The following C7orf33 variants were observed in gnomAD, a reference collection of about 807,000 sequenced individuals.
C7orf33 encodes the protein chromosome 7 open reading frame 33, also known as uncharacterized protein C7orf33.
A neutral mutation model predicts 13.4 loss-of-function variants in C7orf33; 15 were observed. That is an observed-to-expected ratio of 1.12 (90% confidence interval 0.75 to 1.72). C7orf33 has a LOEUF of 1.72. Ranked by LOEUF, C7orf33 falls within the 40% of genes most tolerant of loss-of-function variation. The pLI, the probability that C7orf33 is intolerant of heterozygous loss-of-function variation, is 0.00. For synonymous variants in C7orf33, 73 were observed against 83.2 expected, an observed-to-expected ratio of 0.88 and a Z score of 0.67; for missense variants, 187 against 220.3, an observed-to-expected ratio of 0.85 and a Z score of 0.96.
chr7:148,611,536 A>G (rs1464252971), intron 1 of C7orf33, among the ~76,000 whole-genome samples: 1 of 152,098 alleles, frequency 6.6e-6, no homozygotes, highest in African/African-American at 2.4e-5. Flanking sequence ...CACCCCTTCA[A>G]CTTCCGGCTC....
intron 1 of C7orf33, 139 bp from the exon 2 acceptor site, chr7:148,613,903 G>T: frequency 9.7e-6 from 9 of 927,812 alleles, no homozygotes; most frequent in Non-Finnish European, 1.4e-5. Context: ...GAATATCTTT[G>T]TCTATAATCT....
chr7:148,611,884 G>C (rs1425203487), intron 1 of C7orf33, among the ~76,000 whole-genome samples: 1 of 152,216 alleles, frequency 6.6e-6, no homozygotes, highest in East Asian at 1.9e-4. Flanking sequence ...GCTCCCCCTA[G>C]GGGTTTGAGC....
At chr7:148,596,781 T>G (rs1172601738) in intron 1 of C7orf33, among the ~76,000 whole-genome samples, 2 of 152,208 alleles carry the variant, frequency 1.3e-5, no homozygotes, top group East Asian at 3.9e-4. Flanking sequence ...TCCTCTGTGC[T>G]CCATCTGTTC....
chr7:148,598,231 G>T (rs1194772618), intron 1 of C7orf33, among the ~76,000 whole-genome samples: 2 of 152,026 alleles, frequency 1.3e-5, no homozygotes, highest in East Asian at 3.9e-4. Context: ...ATATTGAAAT[G>T]TTCAGTTCCC....
At chr7:148,595,549 TATAACATATAGCTATATAA>T (rs1310408025) in intron 1 of C7orf33, among the ~76,000 whole-genome samples, 10 of 133,512 alleles carry the variant, frequency 7.5e-5, no homozygotes, top group African/African-American at 2.8e-4. Flanking sequence ...CTGTATTATA[TATAACATATAGCTATATAA>T]TATATATAAT....
chr7:148,608,297 G>T (rs1230757113), intron 1 of C7orf33, among the ~76,000 whole-genome samples: 1 of 151,906 alleles, frequency 6.6e-6, no homozygotes, highest in Non-Finnish European at 1.5e-5. Flanking sequence ...GGGCATGGTG[G>T]TGCGCGCCTG....
intron 1 of C7orf33, among the ~76,000 whole-genome samples, chr7:148,605,458 C>G (rs1443472842): frequency 6.6e-6 from 1 of 152,216 alleles, no homozygotes; most frequent in Admixed American, 6.5e-5. Context: ...AGGGAGACTG[C>G]AAGGCTAGAG....
chr7:148,612,936 C>A (rs970172243), intron 1 of C7orf33, among the ~76,000 whole-genome samples: 6 of 151,794 alleles, frequency 4.0e-5, no homozygotes, highest in African/African-American at 1.5e-4. Flanking sequence ...GTGTAATGAT[C>A]AAATCAGGGT....
intron 1 of C7orf33, among the ~76,000 whole-genome samples, chr7:148,598,796 A>ATT (rs1175975516): frequency 7.0e-6 from 1 of 141,868 alleles, no homozygotes; most frequent in Non-Finnish European, 1.5e-5. Flanking sequence ...AGAGAGAGAG[A>ATT]GAGAGAGAGA....
intron 1 of C7orf33, among the ~76,000 whole-genome samples, chr7:148,593,316 G>A (rs557932502): frequency 6.6e-6 from 1 of 152,280 alleles, no homozygotes; most frequent in South Asian, 2.1e-4. Flanking sequence ...AGGCTGGAGT[G>A]CAATGGCTCA....
intron 2 of C7orf33, 120 bp downstream of exon 2, chr7:148,614,416 A>G: frequency 9.0e-7 from 1 of 1,113,664 alleles, no homozygotes; most frequent in Non-Finnish European, 1.3e-6. Flanking sequence ...GATGTTTCAT[A>G]TTCTCTGAAT....
chr7:148,591,253 C>A, intron 1 of C7orf33, 124 bp downstream of exon 1: 1 of 828,052 alleles, frequency 1.2e-6, no homozygotes, highest in South Asian at 1.5e-5. Flanking sequence ...CTGGGCTTAA[C>A]GACATTGAAG....
chr7:148,615,430 T>C lies in C7orf33; in HGVS notation c.*29T>C. 7.6e-7 allele frequency: 1 copy of C among 1,320,134 alleles called. No individual in the cohort carries two copies. Among genetic ancestry groups the C allele is most frequent in the Non-Finnish European group, 1.1e-6 (1 of 913,468 alleles). The allele number at this position is 1,320,134 out of a possible 1,614,324, so 81.8% of individuals were successfully genotyped here. On this transcript the variant is annotated 3_prime_UTR_variant, in exon 3 of 3. Transcript: ENST00000307003. ...TTTTGCAGAATCTAAGAGTCACATC[T>C]CTAAATTTGTGTAGATTGTGAAATC...
chr7:148,613,955 A>G, intron 1 of C7orf33, 87 bp from the exon 2 acceptor site: 1 of 1,395,996 alleles, frequency 7.2e-7, no homozygotes, highest in Non-Finnish European at 9.8e-7. Context: ...AGTAGCCTCA[A>G]AAGAAATGTG....
chr7:148,604,096 T>C (rs1203628722), intron 1 of C7orf33, among the ~76,000 whole-genome samples: 2 of 151,322 alleles, frequency 1.3e-5, no homozygotes, highest in African/African-American at 2.4e-5. Flanking sequence ...CGCAGCAACC[T>C]GGATGGAATT....
At position 148,594,867 on chromosome 7, in the gene C7orf33, G is replaced by A. The variant is rs559518459; in HGVS notation, c.204+3738G>A. Among the ~76,000 whole-genome samples, 14 of 152,070 alleles carry A rather than the reference G, an allele frequency of 9.2e-5. No homozygotes were observed. In the East Asian group the frequency reaches 2.3e-3, roughly 25 times the overall value. Reference sequence around the variant, plus strand: ...AGGACAATGTCTATGTTAATGTTATGGTTCAGGAACCTAACAGCAAGTACA... The same window carrying A: ...AGGACAATGTCTATGTTAATGTTATAGTTCAGGAACCTAACAGCAAGTACA... On this transcript the variant is annotated intron_variant, in intron 1 of 2. Transcript: ENST00000307003.
intron 1 of C7orf33, among the ~76,000 whole-genome samples, chr7:148,597,519 T>A (rs1215034548): frequency 1.3e-5 from 2 of 151,968 alleles, no homozygotes; most frequent in African/African-American, 4.8e-5. Flanking sequence ...TGACCTCAGG[T>A]GATACACCCA....
chr7:148,613,902 T>C lies in C7orf33; in HGVS notation c.205-140T>C, dbSNP rs878987811. 25 of 919,694 alleles carry C rather than the reference T, an allele frequency of 2.7e-5. 2 individuals are homozygous for C. The South Asian group carries it at 4.4e-4, about 16-fold the overall frequency. 57.0% of individuals were successfully genotyped at this position (919,694 alleles called of 1,614,324 possible). On this transcript the variant is annotated intron_variant, in intron 1 of 2. Transcript: ENST00000307003. Reference sequence around the variant, plus strand: ...GTTGCCAAAATTTCCAGAATATCTTTGTCTATAATCTTTAGGCTATTTCAT... The same window carrying C: ...GTTGCCAAAATTTCCAGAATATCTTCGTCTATAATCTTTAGGCTATTTCAT...
chr7:148,598,757 TATATATAG>T (rs1403672537), intron 1 of C7orf33, among the ~76,000 whole-genome samples: 33 of 41,324 alleles, frequency 8.0e-4, no homozygotes, highest in South Asian at 1.8e-3. Context: ...TATATATATA[TATATATAG>T]AGAGAGAGAG....
Sources: gnomAD v4.1 joint callset for allele counts (sites outside exome capture counted in the v4.1 genomes callset) on GRCh38, gnomAD v4.1.1 for gene constraint, MANE v1.5 for transcripts, NCBI Gene and HGNC (gene_info 2026-07-23, HGNC 2026-07-21) for gene names.